CSMD1: variants seen among roughly 807,000 people sequenced by gnomAD.
CSMD1 encodes the protein CUB and Sushi multiple domains 1, also known as CUB and sushi domain-containing protein 1.
CSMD1 carries 213 observed loss-of-function variants against 417.5 expected under a neutral mutation model. The ratio of observed to expected loss-of-function variants is 0.51; its 90% CI spans 0.46 to 0.57. The LOEUF is 0.57. Among genes scored for constraint, CSMD1 ranks in the 20% least tolerant of loss-of-function variants. The probability of loss-of-function intolerance (pLI) is 0.00; values close to 1 mark genes in which losing one functional copy is unlikely to be tolerated. For synonymous variants in CSMD1, 2,862 were observed against 1,736.8 expected, an observed-to-expected ratio of 1.65 and a Z score of -16.11; for missense variants, 6,923 against 4,529.7, an observed-to-expected ratio of 1.53 and a Z score of -15.17.
Position 2,939,396 on chromosome 8 carries a change from T to C in CSMD1, c.10536-652A>G, listed in dbSNP as rs1014051373. Reference sequence around the variant, plus strand: ...CTCTGTTGAGTTAAAAATGAATCTTTATAAAAAAGGAACTATACTCATTAT... The same window carrying C: ...CTCTGTTGAGTTAAAAATGAATCTTCATAAAAAAGGAACTATACTCATTAT... On this transcript the variant is annotated intron_variant, in intron 69 of 69. Transcript: ENST00000635120. 1.1e-4 allele frequency among the ~76,000 whole-genome samples: 17 copies of C among 152,326 alleles called. No homozygotes were observed. In the Middle Eastern group the frequency reaches 0.017, roughly 152 times the overall value.
intron 1 of CSMD1, among the ~76,000 whole-genome samples, chr8:4,798,080 G>T (rs1036640090): frequency 6.6e-6 from 1 of 152,198 alleles, no homozygotes; most frequent in African/African-American, 2.4e-5. Flanking sequence ...TCTTAAGTAT[G>T]TGTAAATGTG....
intron 28 of CSMD1, among the ~76,000 whole-genome samples, chr8:3,221,905 TA>T: frequency 6.6e-6 from 1 of 151,628 alleles, no homozygotes; most frequent in East Asian, 1.9e-4. Flanking sequence ...CACCCTCCCA[TA>T]AAAAAAACAC....
At chr8:4,109,630 C>T (rs917984026) in intron 3 of CSMD1, among the ~76,000 whole-genome samples, 1 of 152,166 alleles carries the variant, frequency 6.6e-6, no homozygotes, top group East Asian at 1.9e-4. Context: ...AAGCTCTAGA[C>T]AACATCATTG....
chr8:4,905,686 G>A (rs548951371), intron 1 of CSMD1, among the ~76,000 whole-genome samples: 34 of 151,922 alleles, frequency 2.2e-4, no homozygotes, highest in East Asian at 1.4e-3. Context: ...CGGGCGTGGT[G>A]GCGGGCGCCT....
At chr8:4,524,567 G>A (rs957809420) in intron 2 of CSMD1, among the ~76,000 whole-genome samples, 1 of 98,428 alleles carries the variant, frequency 1.0e-5, no homozygotes, top group South Asian at 4.0e-4. Flanking sequence ...ATCACACTTG[G>A]TCTTTTTTTT....
At chr8:3,206,116 G>C (rs889911261) in intron 30 of CSMD1, among the ~76,000 whole-genome samples, 2 of 152,012 alleles carry the variant, frequency 1.3e-5, no homozygotes, top group Non-Finnish European at 2.9e-5. Flanking sequence ...AAAGCAACAT[G>C]CATAATTACT....
At chr8:3,526,523 C>A (rs984962987) in intron 10 of CSMD1, among the ~76,000 whole-genome samples, 1 of 152,182 alleles carries the variant, frequency 6.6e-6, no homozygotes, top group African/African-American at 2.4e-5. Flanking sequence ...CACTCAAAAG[C>A]AAGCTCCCAG....
chr8:3,101,360 G>A (rs145638184), intron 46 of CSMD1, among the ~76,000 whole-genome samples: 1 of 152,214 alleles, frequency 6.6e-6, no homozygotes, highest in Admixed American at 6.5e-5. Flanking sequence ...CTTCTGTGAT[G>A]TCTCTTACTC....
intron 2 of CSMD1, among the ~76,000 whole-genome samples, chr8:4,573,431 C>T (rs1032442521): frequency 6.6e-6 from 1 of 152,122 alleles, no homozygotes; most frequent in Non-Finnish European, 1.5e-5. Flanking sequence ...ACCCTCTTTC[C>T]TGGGGTGTCA....
chr8:4,223,556 G>A (rs1334801864), intron 3 of CSMD1, among the ~76,000 whole-genome samples: 5 of 152,250 alleles, frequency 3.3e-5, no homozygotes, highest in African/African-American at 4.8e-5. Flanking sequence ...GAGCTGGCCT[G>A]CAAGGCAGGA....
intron 2 of CSMD1, among the ~76,000 whole-genome samples, chr8:4,515,478 G>A (rs938457455): frequency 9.2e-5 from 14 of 152,078 alleles, no homozygotes; most frequent in African/African-American, 1.7e-4. Flanking sequence ...TTAAAAGAAC[G>A]TCTAGAAATA....
chr8:4,173,179 G>A (rs1264372824), intron 3 of CSMD1, among the ~76,000 whole-genome samples: 1 of 152,090 alleles, frequency 6.6e-6, no homozygotes, highest in East Asian at 1.9e-4. Flanking sequence ...TAAAAATACA[G>A]GATGCTCAAT....
chr8:4,614,285 G>A (rs1441330068), intron 2 of CSMD1, among the ~76,000 whole-genome samples: 2 of 152,254 alleles, frequency 1.3e-5, no homozygotes, highest in East Asian at 3.9e-4. Flanking sequence ...ACACCTAAAC[G>A]GACTGGACAC....
chr8:4,608,349 G>A (rs957660144), intron 2 of CSMD1, among the ~76,000 whole-genome samples: 2 of 152,174 alleles, frequency 1.3e-5, no homozygotes, highest in African/African-American at 4.8e-5. Flanking sequence ...AGGTAGCCAC[G>A]GTGGTGGCTG....
Position 4,615,398 on chromosome 8 carries a change from A to C in CSMD1, c.302+21944T>G, listed in dbSNP as rs17070817. Among the ~76,000 whole-genome samples the C allele has an allele frequency of 8.1e-3, 1,230 of 152,334 alleles. 15 individuals are homozygous for C. Among genetic ancestry groups the C allele is most frequent in the African/African-American group, 0.029 (1,190 of 41,564 alleles). On this transcript the variant is annotated intron_variant, in intron 2 of 69. Transcript: ENST00000635120. The stretch of plus-strand genomic sequence containing the variant: ...TCTTAACATATGGAGAAATTGTGAA[A>C]GAATAGCTCACTGACTTGTAAAAAG...
chr8:3,444,875 T>A (rs781346403), intron 12 of CSMD1, among the ~76,000 whole-genome samples: 1 of 152,176 alleles, frequency 6.6e-6, no homozygotes, highest in African/African-American at 2.4e-5. Context: ...TACTATCGAT[T>A]TGTGGCATTT....
intron 1 of CSMD1, among the ~76,000 whole-genome samples, chr8:4,886,247 C>A (rs1803731271): frequency 6.6e-6 from 1 of 152,074 alleles, no homozygotes; most frequent in Non-Finnish European, 1.5e-5. Context: ...GCCTCGGCCT[C>A]TCAAAATGCT....
At chr8:3,893,627 T>C (rs1807147017) in intron 5 of CSMD1, among the ~76,000 whole-genome samples, 1 of 151,970 alleles carries the variant, frequency 6.6e-6, no homozygotes, top group Admixed American at 6.6e-5. Flanking sequence ...TTACTGTGCA[T>C]GGTGTCTTGC....
intron 3 of CSMD1, among the ~76,000 whole-genome samples, chr8:4,094,880 T>C (rs568982695): frequency 2.6e-5 from 4 of 152,250 alleles, no homozygotes; most frequent in African/African-American, 9.6e-5. Flanking sequence ...ATTGTGTATG[T>C]TAAAAGACAG....
Sources: allele counts gnomAD v4.1 joint callset (sites outside exome capture counted in the v4.1 genomes callset), GRCh38; gene constraint gnomAD v4.1.1; transcripts MANE v1.5; gene names NCBI Gene and HGNC (gene_info 2026-07-23, HGNC 2026-07-21).